The following ARRB1 variants were observed in gnomAD, a reference collection of about 807,000 sequenced individuals.
ARRB1 encodes the protein arrestin beta 1.
In ARRB1, 21 loss-of-function variants were observed where a neutral mutation model predicts 56.8. That is an observed-to-expected ratio of 0.37 (90% confidence interval 0.26 to 0.53). ARRB1 has a LOEUF of 0.53. ARRB1 is among the 20% of genes least tolerant of loss of function. ARRB1 has a pLI of 0.88. For missense variants in ARRB1, 424 were observed against 553.7 expected (o/e 0.77, Z 2.35); for synonymous variants, 210 against 218.6 (o/e 0.96, Z 0.35).
At chr11:75,271,000 A>C (rs2140401599) in intron 13 of ARRB1, 1 of 151,884 alleles carries the variant, frequency 6.6e-6, no homozygotes, top group Admixed American at 6.6e-5. Context: ...TTAGTGGAAG[A>C]ATCTGGATCT....
At chr11:75,340,562 T>C (rs973810017) in intron 1 of ARRB1, among the ~76,000 whole-genome samples, 5 of 152,182 alleles carry the variant, frequency 3.3e-5, no homozygotes, top group Non-Finnish European at 7.4e-5. Flanking sequence ...CTGTGGGGGC[T>C]GGGGGTCTTT....
intron 1 of ARRB1, among the ~76,000 whole-genome samples, chr11:75,318,035 G>T (rs1180824069): frequency 6.6e-6 from 1 of 151,936 alleles, no homozygotes; most frequent in Non-Finnish European, 1.5e-5. Context: ...TCTCACACTT[G>T]AGCTGGGGTC....
At chr11:75,335,188 C>T (rs1218102147) in intron 1 of ARRB1, 3 of 226,696 alleles carry the variant, frequency 1.3e-5, no homozygotes, top group Non-Finnish European at 3.1e-5. Context: ...ACAGATGAGG[C>T]TCCGGAAGAC....
At position 75,261,966 on chromosome 11, in the gene ARRB1, G is replaced by A. The variant is rs1458719176; in HGVS notation, c.*4197C>T. 1 of 152,202 alleles carries A rather than the reference G, an allele frequency of 6.6e-6. No individual in the cohort carries two copies. Among genetic ancestry groups the A allele is most frequent in the East Asian group, 1.9e-4 (1 of 5,188 alleles). The allele number at this position is 152,202 out of a possible 1,614,324, so 9.4% of individuals were successfully genotyped here. ...GGGTGGAGAGCAACCAGTCCCCAGT[G>A]ACAGGCAGGAGAGAAGCTGCCGCTC... is the stretch of plus-strand genomic sequence containing the variant. On this transcript the variant is annotated 3_prime_UTR_variant, in exon 16 of 16. Coordinates refer to ENST00000420843, the MANE Select transcript of ARRB1 (RefSeq NM_004041.5).
chr11:75,317,961 T>C (rs369633654), intron 1 of ARRB1, among the ~76,000 whole-genome samples: 16 of 151,956 alleles, frequency 1.1e-4, no homozygotes, highest in African/African-American at 3.9e-4. Flanking sequence ...CAAGACAAAG[T>C]CCTGACTCGA....
intron 1 of ARRB1, among the ~76,000 whole-genome samples, chr11:75,336,245 GC>G (rs1947601178): frequency 6.6e-6 from 1 of 152,190 alleles, no homozygotes; most frequent in Non-Finnish European, 1.5e-5. Context: ...AATCAACCGT[GC>G]CCTCTCTGGA....
rs531243414 is a variant in ARRB1, at chr11:75,277,969, CT to C, written c.619-522del. ...GTGATGTCTGAAGTCCCTGCCAGCT[CT>C]AAATTCTGTCCACAGAAGGATCTGG... On this transcript the variant is annotated intron_variant, in intron 8 of 15. Coordinates refer to ENST00000420843, the MANE Select transcript of ARRB1 (RefSeq NM_004041.5). Among the ~76,000 whole-genome samples the C allele has an allele frequency of 4.6e-5, 7 of 152,354 alleles. No homozygotes were observed. The South Asian group carries it at 1.5e-3, about 32-fold the overall frequency.
At chr11:75,291,329 G>A (rs1946607792) in intron 1 of ARRB1, among the ~76,000 whole-genome samples, 1 of 152,144 alleles carries the variant, frequency 6.6e-6, no homozygotes, top group African/African-American at 2.4e-5. Flanking sequence ...GCAAGACTCA[G>A]TCTCAAAAAC....
chr11:75,277,332 T>C, intron 9 of ARRB1, 32 bp downstream of exon 9: 1 of 1,599,312 alleles, frequency 6.3e-7, no homozygotes, highest in Non-Finnish European at 8.6e-7. Flanking sequence ...TGCCTCTCGC[T>C]GTCCCCTAAG....
At chr11:75,272,723 G>A (rs910167326) in intron 12 of ARRB1, 172 bp downstream of exon 12, 6 of 612,104 alleles carry the variant, frequency 9.8e-6, no homozygotes, top group East Asian at 5.6e-5. Flanking sequence ...GAGGGAAAGC[G>A]GGCGGGGGAG....
rs1018392462 is a variant in ARRB1 at position 75,274,068 on chromosome 11, C to T, written c.914+6G>A. The stretch of plus-strand genomic sequence containing the variant: ...GGAGCCCAGGGCTAGGAGGGCAGGT[C>T]CTCACAGGGTGCTAGAGGCCAAGTT... On this transcript the variant is annotated splice_donor_region_variant and intron_variant, in intron 11 of 15. Transcript: ENST00000420843. The T allele has an allele frequency of 6.2e-7, 1 of 1,614,158 alleles. No individual in the cohort carries two copies. Among genetic ancestry groups the T allele is most frequent in the Non-Finnish European group, 8.5e-7 (1 of 1,180,008 alleles).
At chr11:75,274,359 C>T (rs1795609675) in intron 10 of ARRB1, 148 bp from the exon 11 acceptor site, 3 of 1,124,872 alleles carry the variant, frequency 2.7e-6, no homozygotes, top group Non-Finnish European at 3.7e-6. Flanking sequence ...CCACTTGGGC[C>T]AGCCCAGCTC....
rs60988072 is a variant in ARRB1 at position 75,286,255 on chromosome 11, C to CTTTTTTTTTT, written c.112+1050_112+1059dup. On this transcript the variant is annotated intron_variant, in intron 3 of 15. Transcript: ENST00000420843. ...CTAGGCCTCACTTTGATTTGCTCAT[C>CTTTTTTTTTT]TTTTTTTTTTTTTTTTTTTTTTTTT... Among the ~76,000 whole-genome samples the CTTTTTTTTTT allele has an allele frequency of 2.6e-4, 10 of 38,678 alleles. 1 individual carries two copies. Among genetic ancestry groups the CTTTTTTTTTT allele is most frequent in the African/African-American group, 9.7e-4 (9 of 9,246 alleles). 25.4% of individuals were successfully genotyped at this position (38,678 alleles called of 152,430 possible).
In ARRB1 at chr11:75,286,255, CTTTTTTTTTT is replaced by C. The variant is rs60988072; in HGVS notation, c.112+1050_112+1059del. Reference sequence around the variant, plus strand: ...CTAGGCCTCACTTTGATTTGCTCATCTTTTTTTTTTTTTTTTTTTTTTTTTTTTTTCTGAG... The same window carrying C: ...CTAGGCCTCACTTTGATTTGCTCATCTTTTTTTTTTTTTTTTTTTTCTGAG... On this transcript the variant is annotated intron_variant, in intron 3 of 15. Transcript: ENST00000420843. 4.6e-4 allele frequency among the ~76,000 whole-genome samples: 18 copies of C among 38,738 alleles called. 1 individual carries two copies. The highest frequency in any genetic ancestry group is 3.0e-3 in the East Asian group (3 of 996). 25.4% of individuals were successfully genotyped at this position (38,738 alleles called of 152,430 possible).
intron 1 of ARRB1, chr11:75,311,999 G>A (rs894567903): frequency 8.6e-5 from 110 of 1,273,602 alleles, no homozygotes; most frequent in Middle Eastern, 2.1e-4. Context: ...AAAGCTGACC[G>A]TTCTCGAAGG....
At chr11:75,333,191 T>C (rs1334075056) in intron 1 of ARRB1, among the ~76,000 whole-genome samples, 1 of 152,136 alleles carries the variant, frequency 6.6e-6, no homozygotes, top group Non-Finnish European at 1.5e-5. Flanking sequence ...TTACAGCAGG[T>C]GCTAAGTGCT....
intron 1 of ARRB1, among the ~76,000 whole-genome samples, chr11:75,346,095 C>T (rs941236711): frequency 3.9e-5 from 6 of 152,108 alleles, no homozygotes; most frequent in African/African-American, 1.4e-4. Flanking sequence ...CCTCCACAGC[C>T]TCACCCCTCA....
At chr11:75,279,938 G>T (rs1946289517) in intron 7 of ARRB1, among the ~76,000 whole-genome samples, 1 of 152,164 alleles carries the variant, frequency 6.6e-6, no homozygotes, top group Non-Finnish European at 1.5e-5. Flanking sequence ...CAGAGCTCTG[G>T]GATTACAGGT....
intron 5 of ARRB1, among the ~76,000 whole-genome samples, chr11:75,283,024 T>A (rs1369015163): frequency 1.3e-5 from 2 of 152,166 alleles, no homozygotes; most frequent in African/African-American, 4.8e-5. Flanking sequence ...CTGAAGCCCC[T>A]TAGCACCCCC....
Sources: gnomAD v4.1 joint callset for allele counts (sites outside exome capture counted in the v4.1 genomes callset) on GRCh38, gnomAD v4.1.1 for gene constraint, MANE v1.5 for transcripts, NCBI Gene and HGNC (gene_info 2026-07-23, HGNC 2026-07-21) for gene names.